Variants in FRMD3 observed in about 807,000 individuals in gnomAD.
FRMD3 encodes FERM domain containing 3.
FRMD3 carries 33 observed loss-of-function variants against 70.2 expected under a neutral mutation model. The observed-to-expected ratio is 0.47, with a 90% CI of 0.36 to 0.63. The LOEUF is 0.63. Ranked by LOEUF, FRMD3 falls within the 20% of genes least tolerant of loss-of-function variation. FRMD3 has a pLI of 0.00. For synonymous variants in FRMD3, 279 were observed against 255.9 expected, an observed-to-expected ratio of 1.09 and a Z score of -0.86; for missense variants, 632 against 711.4, an observed-to-expected ratio of 0.89 and a Z score of 1.27.
chr9:83,305,176 A>G (rs1464293225), intron 10 of FRMD3, among the ~76,000 whole-genome samples: 1 of 152,228 alleles, frequency 6.6e-6, no homozygotes. Context: ...AGCTAGAAGC[A>G]GGGCCAGGAC....
the FRMD3 span, among the ~76,000 whole-genome samples, chr9:83,551,886 G>A: frequency 1.3e-5 from 2 of 150,290 alleles, no homozygotes; most frequent in Non-Finnish European, 3.0e-5. Flanking sequence ...AGTCTAGCTA[G>A]TGGCCTATTT....
At chr9:83,250,598 G>A (rs1183809691) in intron 13 of FRMD3, among the ~76,000 whole-genome samples, 1 of 152,220 alleles carries the variant, frequency 6.6e-6, no homozygotes, top group Non-Finnish European at 1.5e-5. Context: ...TCTGCTTGAG[G>A]TGGGTCTAAG....
chr9:83,488,972 T>TTGTGTGTGTGTGTGTGTGTGTGTGTGTG (rs4014025), intron 1 of FRMD3, among the ~76,000 whole-genome samples: 2 of 135,532 alleles, frequency 1.5e-5, no homozygotes, highest in Non-Finnish European at 3.2e-5. Flanking sequence ...CCCTATACCT[T>TTGTGTGTGTGTGTGTGTGTGTGTGTGTG]TGTGTGTGTG....
chr9:83,518,948 C>A (rs977169922), intron 1 of FRMD3, among the ~76,000 whole-genome samples: 9 of 152,104 alleles, frequency 5.9e-5, no homozygotes, highest in African/African-American at 1.9e-4. Flanking sequence ...TATGCAGAAA[C>A]CTGAAACTGG....
At chr9:83,479,350 G>A (rs1467780053) in intron 1 of FRMD3, among the ~76,000 whole-genome samples, 1 of 104,440 alleles carries the variant, frequency 9.6e-6, no homozygotes, top group African/African-American at 3.7e-5. Flanking sequence ...GAAGAAGGAG[G>A]AGGAGGAGGA....
At chr9:83,427,643 T>C (rs902160930) in intron 1 of FRMD3, among the ~76,000 whole-genome samples, 2 of 152,074 alleles carry the variant, frequency 1.3e-5, no homozygotes, top group African/African-American at 2.4e-5. Context: ...ACTCTTGAAC[T>C]TTGACAAATA....
chr9:83,563,108 T>C, the FRMD3 span, among the ~76,000 whole-genome samples: 4 of 152,060 alleles, frequency 2.6e-5, no homozygotes, highest in Non-Finnish European at 5.9e-5. Context: ...AAAAGCCAGG[T>C]CCTCTGGCAT....
chr9:83,475,086 T>A (rs890898964), intron 1 of FRMD3, among the ~76,000 whole-genome samples: 7 of 152,184 alleles, frequency 4.6e-5, no homozygotes, highest in Non-Finnish European at 1.0e-4. Context: ...CATCATTTTT[T>A]ATTTACAGTG....
chr9:83,369,859 G>A (rs1824914981), intron 3 of FRMD3, among the ~76,000 whole-genome samples: 1 of 152,080 alleles, frequency 6.6e-6, no homozygotes, highest in South Asian at 2.1e-4. Context: ...TTATTTCTTT[G>A]GGGTGAGCTT....
chr9:83,499,528 T>G (rs2131510242), intron 1 of FRMD3, among the ~76,000 whole-genome samples: 1 of 152,332 alleles, frequency 6.6e-6, no homozygotes, highest in East Asian at 1.9e-4. Context: ...GCATTTATGA[T>G]GCTCAAGTGC....
chr9:83,418,120 G>A (rs1227659351), intron 1 of FRMD3, among the ~76,000 whole-genome samples: 1 of 151,334 alleles, frequency 6.6e-6, no homozygotes, highest in Non-Finnish European at 1.5e-5. Context: ...CACTGGGGTG[G>A]GGGGGATATT....
At position 83,295,337 on chromosome 9, in the gene FRMD3, T is replaced by C. The variant is rs147134028; in HGVS notation, c.1070+3411A>G. On this transcript the variant is annotated intron_variant, in intron 12 of 13. Coordinates refer to ENST00000304195, the MANE Select transcript of FRMD3 (RefSeq NM_174938.6). ...AGGACTCAAAAATGGTAGCATAAAA[T>C]AGTGACTCCTGGAGTTCCTATATCC... Among the ~76,000 whole-genome samples, 50 of 152,256 alleles carry C rather than the reference T, an allele frequency of 3.3e-4. No homozygotes were observed. The East Asian group carries it at 8.9e-3, about 27-fold the overall frequency.
At chr9:83,332,137 C>T (rs1823399357) in intron 6 of FRMD3, among the ~76,000 whole-genome samples, 1 of 152,184 alleles carries the variant, frequency 6.6e-6, no homozygotes, top group Non-Finnish European at 1.5e-5. Context: ...TTTGTTTCCT[C>T]AGCAAAATCT....
At chr9:83,265,395 T>TAAAAAAAAAA (rs59688591) in intron 13 of FRMD3, among the ~76,000 whole-genome samples, 1 of 77,398 alleles carries the variant, frequency 1.3e-5, no homozygotes, top group Non-Finnish European at 2.5e-5. Context: ...GCGAGACTCT[T>TAAAAAAAAAA]AAAAAAAAAA....
At chr9:83,566,403 A>G in the FRMD3 span, among the ~76,000 whole-genome samples, 75 of 152,228 alleles carry the variant, frequency 4.9e-4, 1 homozygote, top group African/African-American at 1.8e-3. Context: ...CAGCCACACC[A>G]TATCATTCCA....
At chr9:83,442,150 C>T (rs190293873) in intron 1 of FRMD3, among the ~76,000 whole-genome samples, 1 of 152,106 alleles carries the variant, frequency 6.6e-6, no homozygotes, top group African/African-American at 2.4e-5. Context: ...CTGACAATAA[C>T]AGCTACCACT....
intron 6 of FRMD3, among the ~76,000 whole-genome samples, chr9:83,324,375 T>C (rs1835928363): frequency 6.6e-6 from 1 of 152,164 alleles, no homozygotes. Flanking sequence ...GAGGGGCACA[T>C]AGGAGACTTC....
At chr9:83,330,859 T>C (rs1011987710) in intron 6 of FRMD3, among the ~76,000 whole-genome samples, 2 of 152,228 alleles carry the variant, frequency 1.3e-5, no homozygotes, top group East Asian at 3.9e-4. Context: ...CTAGTTCACA[T>C]GATATTAAAA....
intron 9 of FRMD3, 140 bp from the exon 10 acceptor site, chr9:83,309,764 G>A: frequency 1.8e-6 from 1 of 566,810 alleles, no homozygotes; most frequent in Non-Finnish European, 3.2e-6. Flanking sequence ...ATATTGCTAT[G>A]TTATTTACAG....
Sources: gnomAD v4.1 joint callset for allele counts (sites outside exome capture counted in the v4.1 genomes callset) on GRCh38, gnomAD v4.1.1 for gene constraint, MANE v1.5 for transcripts, NCBI Gene and HGNC (gene_info 2026-07-23, HGNC 2026-07-21) for gene names.